Variants in ZBTB38 observed in about 807,000 individuals in gnomAD.
ZBTB38 encodes zinc finger and BTB domain containing 38, also known as zinc finger and BTB domain-containing protein 38.
A neutral mutation model predicts 76.8 loss-of-function variants in ZBTB38; 20 were observed. The ratio of observed to expected loss-of-function variants is 0.26; its 90% CI spans 0.18 to 0.38. The LOEUF (loss-of-function observed/expected upper bound fraction) is 0.38. Among genes scored for constraint, ZBTB38 ranks in the 10% least tolerant of loss-of-function variants. ZBTB38 has a pLI of 1.00. For synonymous variants in ZBTB38, 504 were observed against 544.2 expected, an observed-to-expected ratio of 0.93 and a Z score of 1.03; for missense variants, 1,082 against 1,482.3, an observed-to-expected ratio of 0.73 and a Z score of 4.43.
At chr3:141,343,837 T>C (rs1943265346) in intron 1 of ZBTB38, among the ~76,000 whole-genome samples, 1 of 152,220 alleles carries the variant, frequency 6.6e-6, no homozygotes, top group Non-Finnish European at 1.5e-5. Flanking sequence ...GTTTTCTCCT[T>C]TGTCTTTGTG....
At chr3:141,370,421 A>G (rs558142989) in intron 2 of ZBTB38, among the ~76,000 whole-genome samples, 1 of 152,210 alleles carries the variant, frequency 6.6e-6, no homozygotes, top group African/African-American at 2.4e-5. Flanking sequence ...ACCACAGAGG[A>G]GTCTGGGAAA....
chr3:141,445,386 A>C lies in ZBTB38; in HGVS notation c.2998A>C (p.Arg1000=). Residue 1000 remains arginine (R), a synonymous_variant, in exon 6 of 6, where the codon AGG becomes CGG. Coordinates refer to ENST00000321464, the MANE Select transcript of ZBTB38 (RefSeq NM_001376113.1). The surrounding 1 kb of genome is among the most constrained non-coding windows in gnomAD (Gnocchi z 6.5). ...DKAVGAGNQG[R]PHRHLTSRPY... ...AGCAGTGGGGGCTGGAAACCAAGGA[A>C]GGCCCCACCGACATCTTACTTCTCG... 6.2e-7 allele frequency: 1 copy of C among 1,614,060 alleles called. No homozygotes were observed. The highest frequency in any genetic ancestry group is 2.2e-5 in the East Asian group (1 of 44,870).
intron 3 of ZBTB38, among the ~76,000 whole-genome samples, chr3:141,382,156 G>A (rs944524460): frequency 5.9e-5 from 9 of 152,166 alleles, no homozygotes; most frequent in Non-Finnish European, 7.3e-5. Flanking sequence ...TCAGGAGGCT[G>A]AGGCGGGAGA....
chr3:141,445,870 T>C lies in ZBTB38; in HGVS notation c.3482T>C (p.Val1161Ala). The change falls in exon 6 of 6, where the codon GTG becomes GCG. Residue 1161 changes from valine (V) to alanine (A), a missense_variant. By Grantham distance (64) the Val-to-Ala change is moderately conservative. Transcript: ENST00000321464. The surrounding 1 kb of genome is among the most constrained non-coding windows in gnomAD (Gnocchi z 6.5). ...SPSQQEKIGD[V>A]CHENSNPLEN... The stretch of plus-strand genomic sequence containing the variant: ...AGTCAGCAGGAGAAAATAGGTGACG[T>C]GTGCCACGAAAACTCAAATCCCTTG... 1.2e-6 allele frequency: 2 copies of C among 1,612,924 alleles called. No homozygotes were observed. The highest frequency in any genetic ancestry group is 2.2e-5 in the South Asian group (2 of 91,088).
chr3:141,425,776 T>G (rs1049203671), intron 5 of ZBTB38, among the ~76,000 whole-genome samples: 11 of 152,384 alleles, frequency 7.2e-5, no homozygotes, highest in South Asian at 2.1e-4. Flanking sequence ...CTTTATGTTT[T>G]GGTGCTCCTG....
At chr3:141,326,714 A>G (rs1942685367) in intron 1 of ZBTB38, among the ~76,000 whole-genome samples, 2 of 152,206 alleles carry the variant, frequency 1.3e-5, no homozygotes. Context: ...TTACAGGAAC[A>G]AAGTGTTGTT....
At chr3:141,426,259 C>A in intron 5 of ZBTB38, 1 of 1,146,080 alleles carries the variant, frequency 8.7e-7, no homozygotes, top group South Asian at 1.3e-5. Flanking sequence ...AAAAGCACAC[C>A]TGCCCAGACC....
intron 4 of ZBTB38, among the ~76,000 whole-genome samples, chr3:141,391,445 C>G (rs73872711): frequency 0.14 from 22,040 of 152,092 alleles, 3,314 homozygotes; most frequent in African/African-American, 0.37. Flanking sequence ...GTAAGCTTCC[C>G]CTACAGTAAG....
At chr3:141,411,945 T>C (rs1262542364) in intron 5 of ZBTB38, among the ~76,000 whole-genome samples, 1 of 152,238 alleles carries the variant, frequency 6.6e-6, no homozygotes, top group Non-Finnish European at 1.5e-5. Flanking sequence ...AGAATCTCTT[T>C]TAAGAGTTTC....
chr3:141,342,447 G>A (rs1266843820), intron 1 of ZBTB38, among the ~76,000 whole-genome samples: 9 of 148,576 alleles, frequency 6.1e-5, no homozygotes, highest in Admixed American at 1.3e-4. Context: ...AAGTATATAC[G>A]TTTATTAATT....
chr3:141,327,514 A>G (rs1010855362), intron 1 of ZBTB38, among the ~76,000 whole-genome samples: 1 of 152,222 alleles, frequency 6.6e-6, no homozygotes, highest in African/African-American at 2.4e-5. Context: ...ACTTCTCAAA[A>G]CTGTCTGGGT....
At chr3:141,439,522 A>C (rs2079606606) in intron 5 of ZBTB38, among the ~76,000 whole-genome samples, 1 of 152,264 alleles carries the variant, frequency 6.6e-6, no homozygotes, top group Non-Finnish European at 1.5e-5. Flanking sequence ...CTAGTTGAAC[A>C]ATCTGAGAGA....
rs1422089380 is a variant in ZBTB38 at position 141,445,380 on chromosome 3, C to A, written c.2992C>A (p.Gln998Lys). The change falls in exon 6 of 6, where the codon CAA becomes AAA. Residue 998 changes from glutamine to lysine, a missense_variant. Gln to Lys is a moderately conservative substitution (Grantham distance 53). This residue lies in a region of ZBTB38 where 471 missense variants were observed against 581.0 expected (regional missense o/e 0.81). Coordinates refer to ENST00000321464, the MANE Select transcript of ZBTB38 (RefSeq NM_001376113.1). The surrounding 1 kb of genome is among the most constrained non-coding windows in gnomAD (Gnocchi z 6.5). Reference sequence around the variant, plus strand: ...AGACAAAGCAGTGGGGGCTGGAAACCAAGGAAGGCCCCACCGACATCTTAC... The same window carrying A: ...AGACAAAGCAGTGGGGGCTGGAAACAAAGGAAGGCCCCACCGACATCTTAC... Reference protein sequence around the residue: ...DGDKAVGAGNQGRPHRHLTSR... With the variant: ...DGDKAVGAGNKGRPHRHLTSR... The A allele has an allele frequency of 6.2e-7, 1 of 1,614,062 alleles. No individual in the cohort carries two copies. The highest frequency in any genetic ancestry group is 1.7e-5 in the Admixed American group (1 of 60,018).
chr3:141,443,736 A>G lies in ZBTB38; in HGVS notation c.1348A>G (p.Met450Val), dbSNP rs766916150. 6.2e-7 allele frequency: 1 copy of G among 1,613,990 alleles called. No individual in the cohort carries two copies. The highest frequency in any genetic ancestry group is 1.1e-5 in the South Asian group (1 of 91,090). ...AAGTACTTTGCCAGACACGGACCAC[A>G]TGGTTAAATTTGTTAATGGGCAAAT... ...TGSTLPDTDH[M>V]VKFVNGQMLY... The change falls in exon 6 of 6, where the codon ATG (methionine) becomes GTG (valine). Residue 450 changes from methionine (M) to valine (V), a missense_variant. Coordinates refer to ENST00000321464, the MANE Select transcript of ZBTB38 (RefSeq NM_001376113.1). The surrounding 1 kb of genome is among the most constrained non-coding windows in gnomAD (Gnocchi z 5.6).
intron 5 of ZBTB38, chr3:141,434,271 AG>A (rs1206967888): frequency 1.8e-5 from 16 of 909,656 alleles, no homozygotes; most frequent in Non-Finnish European, 2.1e-5. Flanking sequence ...CTGGGAGAGA[AG>A]GATAATCTTA....
rs566305381 is a variant in ZBTB38 at position 141,415,484 on chromosome 3, G to A, written c.-1+11453G>A. Among the ~76,000 whole-genome samples the A allele has an allele frequency of 9.2e-5, 14 of 152,242 alleles. No homozygotes were observed. In the South Asian group the frequency reaches 2.1e-3, roughly 23 times the overall value. On this transcript the variant is annotated intron_variant, in intron 5 of 5. Transcript: ENST00000321464. ...CAGCATGGACATCCTCTGGGAGTCC[G>A]TTAGAAATACAGAGCCTCGAGCCCT...
intron 1 of ZBTB38, among the ~76,000 whole-genome samples, chr3:141,326,550 T>C (rs1342453560): frequency 6.6e-6 from 1 of 152,222 alleles, no homozygotes; most frequent in Admixed American, 6.5e-5. Flanking sequence ...CTATGTTTCC[T>C]AACTCACATG....
chr3:141,426,421 T>TG (rs1319265434), intron 5 of ZBTB38, among the ~76,000 whole-genome samples: 2 of 152,196 alleles, frequency 1.3e-5, no homozygotes, highest in African/African-American at 2.4e-5. Flanking sequence ...CATTGCCTGA[T>TG]GGGGGGCAAG....
In ZBTB38 at chr3:141,360,008, C is replaced by T. The variant is rs76844585; in HGVS notation, c.-738-8613C>T. 9.8e-3 allele frequency among the ~76,000 whole-genome samples: 1,484 copies of T among 152,162 alleles called. 37 individuals carry two copies. Among genetic ancestry groups the T allele is most frequent in the African/African-American group, 0.034 (1,398 of 41,512 alleles). The stretch of plus-strand genomic sequence containing the variant: ...TTGTCATAAGATGAAGTTTTAAAAC[C>T]TCATATTCAATAGAAAACCAACAGT... On this transcript the variant is annotated intron_variant, in intron 1 of 7. Transcript: ENST00000509842.
Sources: allele counts gnomAD v4.1 joint callset (sites outside exome capture counted in the v4.1 genomes callset), GRCh38; gene constraint gnomAD v4.1.1; regional missense constraint gnomAD v4.1.1; non-coding constraint Gnocchi (gnomAD v3.1); transcripts MANE v1.5; gene names NCBI Gene and HGNC (gene_info 2026-07-23, HGNC 2026-07-21).